Variants in FRMD3 observed in about 807,000 individuals in gnomAD.
FRMD3 encodes the protein FERM domain-containing protein 3.
FRMD3 carries 33 observed loss-of-function variants against 70.2 expected under a neutral mutation model. The observed-to-expected ratio is 0.47, with a 90% CI of 0.36 to 0.63. The LOEUF (loss-of-function observed/expected upper bound fraction) is 0.63. Among genes scored for constraint, FRMD3 ranks in the 20% least tolerant of loss-of-function variants. The pLI, the probability that FRMD3 is intolerant of heterozygous loss-of-function variation, is 0.00. For synonymous variants in FRMD3, 279 were observed against 255.9 expected (o/e 1.09, Z -0.86); for missense variants, 632 against 711.4 (o/e 0.89, Z 1.27).
chr9:83,561,679 A>G, the FRMD3 span, among the ~76,000 whole-genome samples: 2 of 152,232 alleles, frequency 1.3e-5, no homozygotes, highest in Admixed American at 1.3e-4. Flanking sequence ...AATATGGCAA[A>G]CCATATGCTG....
At chr9:83,386,756 A>G (rs1411797971) in intron 2 of FRMD3, among the ~76,000 whole-genome samples, 1 of 152,114 alleles carries the variant, frequency 6.6e-6, no homozygotes, top group African/African-American at 2.4e-5. Flanking sequence ...AGGATCCCAC[A>G]TTGCCTTGAG....
intron 1 of FRMD3, among the ~76,000 whole-genome samples, chr9:83,428,534 C>T (rs1309172814): frequency 6.7e-6 from 1 of 149,214 alleles, no homozygotes; most frequent in African/African-American, 2.5e-5. Context: ...CATATATATA[C>T]ATGTGTGCTC....
intron 3 of FRMD3, among the ~76,000 whole-genome samples, chr9:83,371,321 CT>C (rs5898826): frequency 0.67 from 99,178 of 148,354 alleles, 33,301 homozygotes; most frequent in African/African-American, 0.7. Flanking sequence ...TGTCTTATTA[CT>C]TTTTTTTTTT....
In FRMD3 at chr9:83,437,658, A is replaced by G. The variant is rs562061172; in HGVS notation, c.148-47950T>C. On this transcript the variant is annotated intron_variant, in intron 1 of 13. Transcript: ENST00000304195. Reference sequence around the variant, plus strand: ...ATCACAGTGCTTCTTCCTCCAACCAATACCAAGCAGATTCCACCATTCTGA... The same window carrying G: ...ATCACAGTGCTTCTTCCTCCAACCAGTACCAAGCAGATTCCACCATTCTGA... Among the ~76,000 whole-genome samples the G allele has an allele frequency of 3.9e-5, 6 of 152,204 alleles. No homozygotes were observed. The East Asian group carries it at 9.7e-4, about 25-fold the overall frequency.
At chr9:83,441,624 T>C (rs1276758218) in intron 1 of FRMD3, among the ~76,000 whole-genome samples, 7 of 152,150 alleles carry the variant, frequency 4.6e-5, no homozygotes, top group Non-Finnish European at 4.4e-5. Context: ...AACTCCTCAA[T>C]GGACTAGAAA....
chr9:83,557,627 G>C, the FRMD3 span, among the ~76,000 whole-genome samples: 1 of 152,216 alleles, frequency 6.6e-6, no homozygotes, highest in Non-Finnish European at 1.5e-5. Context: ...ACAGATATGA[G>C]TAACTCTATC....
upstream of FRMD3, among the ~76,000 whole-genome samples, chr9:83,541,145 C>G (rs954526123): frequency 1.3e-5 from 2 of 152,208 alleles, no homozygotes; most frequent in East Asian, 1.9e-4. Flanking sequence ...TCCCACCCCT[C>G]TCCCACCATC....
intron 1 of FRMD3, among the ~76,000 whole-genome samples, chr9:83,444,874 T>A (rs2131401392): frequency 6.6e-6 from 1 of 152,344 alleles, no homozygotes; most frequent in Middle Eastern, 3.4e-3. Flanking sequence ...CTTTTCAAGT[T>A]GCTTCCAGGA....
chr9:83,314,936 C>T (rs920161965), intron 6 of FRMD3, among the ~76,000 whole-genome samples: 10 of 152,088 alleles, frequency 6.6e-5, no homozygotes, highest in South Asian at 4.1e-4. Flanking sequence ...ATCTTTGTTT[C>T]ATTCTTTATA....
intron 3 of FRMD3, among the ~76,000 whole-genome samples, chr9:83,357,705 G>A (rs1291048792): frequency 1.3e-5 from 2 of 152,122 alleles, no homozygotes; most frequent in South Asian, 4.2e-4. Flanking sequence ...CATGTTTGTT[G>A]CCCATTTGTA....
chr9:83,313,744 C>A lies in FRMD3; in HGVS notation c.600G>T (p.Gly200=). 6.2e-7 allele frequency: 1 copy of A among 1,613,414 alleles called. No individual in the cohort carries two copies. Among genetic ancestry groups the A allele is most frequent in the East Asian group, 2.2e-5 (1 of 44,866 alleles). ...IVEIHKNELR[G]QSPPVAEFNL... Reference sequence around the variant, plus strand: ...TAAATTCAGCAACTGGTGGGCTCTGCCCCCTAAAATCACACAAGAAAAGTT... The same window carrying A: ...TAAATTCAGCAACTGGTGGGCTCTGACCCCTAAAATCACACAAGAAAAGTT... Residue 200 remains glycine, a synonymous_variant, in exon 7 of 14, where the codon GGG becomes GGT. Transcript: ENST00000304195.
rs149110028 is a variant in FRMD3 at position 83,365,386 on chromosome 9, T to G, written c.295+7527A>C. Among the ~76,000 whole-genome samples the G allele has an allele frequency of 5.6e-3, 853 of 152,340 alleles. 9 individuals are homozygous for G. The highest frequency in any genetic ancestry group is 0.019 in the African/African-American group (804 of 41,574). On this transcript the variant is annotated intron_variant, in intron 3 of 13. Coordinates refer to ENST00000304195, the MANE Select transcript of FRMD3 (RefSeq NM_174938.6). ...CTTGCATGAATCTGTTAACATTTAT[T>G]TATAAGACATTTATTTTTACTTGTT... is the stretch of plus-strand genomic sequence containing the variant.
At chr9:83,543,333 T>A (rs1160685032), upstream of FRMD3, among the ~76,000 whole-genome samples, 1 of 151,968 alleles carries the variant, frequency 6.6e-6, no homozygotes, top group African/African-American at 2.4e-5. Flanking sequence ...TAAGTGGGGA[T>A]GTTTTGGGTT....
At chr9:83,514,692 C>T (rs999648641) in intron 1 of FRMD3, among the ~76,000 whole-genome samples, 9 of 152,318 alleles carry the variant, frequency 5.9e-5, no homozygotes, top group African/African-American at 2.2e-4. Context: ...CAAGGGTTGA[C>T]AGACATCCCA....
chr9:83,413,207 TC>T (rs1190346409), intron 1 of FRMD3, among the ~76,000 whole-genome samples: 1 of 152,264 alleles, frequency 6.6e-6, no homozygotes, highest in Non-Finnish European at 1.5e-5. Flanking sequence ...TTTAAATTCA[TC>T]TTTTGAGATG....
upstream of FRMD3, among the ~76,000 whole-genome samples, chr9:83,540,736 T>C (rs1340153200): frequency 2.6e-5 from 4 of 152,208 alleles, no homozygotes; most frequent in Non-Finnish European, 5.9e-5. Flanking sequence ...GAAAGAAAAG[T>C]AGTGATGCAC....
intron 2 of FRMD3, 23 bp from the exon 3 acceptor site, chr9:83,372,978 C>G: frequency 1.3e-6 from 2 of 1,589,918 alleles, no homozygotes; most frequent in Non-Finnish European, 1.7e-6. Context: ...AAAAAAAAAG[C>G]AGAGATCAGG....
intron 10 of FRMD3, among the ~76,000 whole-genome samples, chr9:83,307,783 T>G (rs1453929111): frequency 3.3e-5 from 5 of 152,198 alleles, no homozygotes; most frequent in Non-Finnish European, 1.5e-5. Context: ...CTGTATACTT[T>G]AAAAGGGTAA....
chr9:83,307,470 C>T (rs1375217127), intron 10 of FRMD3, among the ~76,000 whole-genome samples: 1 of 152,210 alleles, frequency 6.6e-6, no homozygotes, highest in Non-Finnish European at 1.5e-5. Flanking sequence ...AATGCAGTGT[C>T]ATTCAATCAT....
Sources: gnomAD v4.1 joint callset for allele counts (sites outside exome capture counted in the v4.1 genomes callset) on GRCh38, gnomAD v4.1.1 for gene constraint, MANE v1.5 for transcripts, NCBI Gene and HGNC (gene_info 2026-07-23, HGNC 2026-07-21) for gene names.